MSRA: variants seen among roughly 807,000 people sequenced by gnomAD.
MSRA encodes mitochondrial peptide methionine sulfoxide reductase.
A neutral mutation model predicts 31.3 loss-of-function variants in MSRA; 54 were observed. That is an observed-to-expected ratio of 1.73 (90% CI 1.39 to 2.17). The LOEUF is 2.17. Ranked by LOEUF, MSRA falls within the 30% of genes most tolerant of loss-of-function variation. The pLI, the probability that MSRA is intolerant of heterozygous loss-of-function variation, is 0.00. For missense variants in MSRA, 507 were observed against 300.9 expected (o/e 1.69, Z -5.07); for synonymous variants, 169 against 116.5 (o/e 1.45, Z -2.90).
chr8:10,267,317 GTGC>G (rs1159374184), intron 3 of MSRA, among the ~76,000 whole-genome samples: 1 of 152,164 alleles, frequency 6.6e-6, no homozygotes, highest in African/African-American at 2.4e-5. Flanking sequence ...GGTTCTTATT[GTGC>G]AGACACAGTG....
intron 5 of MSRA, among the ~76,000 whole-genome samples, chr8:10,413,067 C>G (rs762404933): frequency 6.6e-6 from 1 of 152,204 alleles, no homozygotes; most frequent in Non-Finnish European, 1.5e-5. Context: ...CAGGAAACAA[C>G]CTAAGTGGCC....
At chr8:10,346,534 C>T (rs1803785906) in intron 5 of MSRA, among the ~76,000 whole-genome samples, 1 of 152,182 alleles carries the variant, frequency 6.6e-6, no homozygotes, top group South Asian at 2.1e-4. Context: ...GAGCTTGCTA[C>T]ATCCAGAGGG....
intron 5 of MSRA, among the ~76,000 whole-genome samples, chr8:10,402,778 G>T (rs1036009724): frequency 6.6e-5 from 10 of 152,200 alleles, no homozygotes; most frequent in South Asian, 2.1e-4. Context: ...CATAGTATTT[G>T]CAGTTATTTG....
intron 2 of MSRA, among the ~76,000 whole-genome samples, chr8:10,231,760 G>A (rs575976450): frequency 2.4e-4 from 36 of 152,038 alleles, no homozygotes; most frequent in Non-Finnish European, 3.4e-4. Flanking sequence ...AAAATTAGCC[G>A]GGCGTGGTGG....
chr8:10,369,950 A>G (rs1488613734), intron 5 of MSRA, among the ~76,000 whole-genome samples: 1 of 152,214 alleles, frequency 6.6e-6, no homozygotes, highest in Non-Finnish European at 1.5e-5. Context: ...ACCACAAGTC[A>G]AGGTTCTAAC....
rs762358265 is a variant in MSRA at position 10,282,594 on chromosome 8, G to A, written c.332-18940G>A. Among the ~76,000 whole-genome samples the A allele has an allele frequency of 2.6e-5, 4 of 152,166 alleles. No homozygotes were observed. The South Asian group carries it at 6.2e-4, about 24-fold the overall frequency. On this transcript the variant is annotated intron_variant, in intron 3 of 5. Transcript: ENST00000317173. ...CAGCCATAGTGGCACTGTGCTTGATGCAAAGATACCATTACCTTCTCGTCT... is the reference window on the plus strand; with the variant it reads ...CAGCCATAGTGGCACTGTGCTTGATACAAAGATACCATTACCTTCTCGTCT...
At chr8:10,316,350 C>T (rs527534876) in intron 4 of MSRA, among the ~76,000 whole-genome samples, 1 of 152,240 alleles carries the variant, frequency 6.6e-6, no homozygotes, top group South Asian at 2.1e-4. Context: ...ACCAGCCTCT[C>T]TCTGAGTGTC....
At chr8:10,191,072 A>G (rs1807465648) in intron 1 of MSRA, among the ~76,000 whole-genome samples, 1 of 152,226 alleles carries the variant, frequency 6.6e-6, no homozygotes, top group Admixed American at 6.5e-5. Flanking sequence ...TGCTTAGACT[A>G]GAGGTCCTAT....
chr8:10,067,874 G>GTTTTT (rs71203303), intron 1 of MSRA, among the ~76,000 whole-genome samples: 1 of 49,368 alleles, frequency 2.0e-5, no homozygotes, highest in Non-Finnish European at 4.2e-5. Context: ...TTCTTACTGA[G>GTTTTT]TTTTTTTTTT....
At chr8:10,419,602 A>G (rs1045668292) in intron 5 of MSRA, among the ~76,000 whole-genome samples, 6 of 152,178 alleles carry the variant, frequency 3.9e-5, no homozygotes, top group Non-Finnish European at 7.3e-5. Flanking sequence ...CCTGACATCC[A>G]TTAGAAAATT....
At chr8:10,170,814 A>G (rs1805528234) in intron 1 of MSRA, among the ~76,000 whole-genome samples, 1 of 152,190 alleles carries the variant, frequency 6.6e-6, no homozygotes, top group African/African-American at 2.4e-5. Flanking sequence ...ATCCATTTTT[A>G]TGGTACTCTG....
intron 2 of MSRA, among the ~76,000 whole-genome samples, chr8:10,209,006 C>T (rs1563220433): frequency 6.6e-6 from 1 of 152,212 alleles, no homozygotes. Context: ...TTAGCAGCTG[C>T]AGAGTCATAA....
chr8:10,336,562 AAGTG>A (rs1329141745), intron 5 of MSRA, among the ~76,000 whole-genome samples: 1 of 152,066 alleles, frequency 6.6e-6, no homozygotes, highest in Non-Finnish European at 1.5e-5. Context: ...ACAGTGGAAT[AAGTG>A]AGGAAAGAGA....
At chr8:10,116,996 A>C (rs1005586736) in intron 1 of MSRA, among the ~76,000 whole-genome samples, 5 of 152,186 alleles carry the variant, frequency 3.3e-5, no homozygotes, top group African/African-American at 4.8e-5. Context: ...ATTGAGGCAG[A>C]GGCTCAAATG....
chr8:10,417,480 CCAGT>C (rs1304929986), intron 5 of MSRA, among the ~76,000 whole-genome samples: 1 of 150,202 alleles, frequency 6.7e-6, no homozygotes, highest in Non-Finnish European at 1.5e-5. Context: ...GTAAGCCCAG[CCAGT>C]CAGTGCCCAG....
intron 1 of MSRA, among the ~76,000 whole-genome samples, chr8:10,085,977 G>C (rs28710334): frequency 0.16 from 24,157 of 152,136 alleles, 2,302 homozygotes; most frequent in African/African-American, 0.26. Context: ...TGGGTGTTCA[G>C]ATTGTTTCCA....
chr8:10,198,798 A>G (rs992856314), intron 1 of MSRA, among the ~76,000 whole-genome samples: 7 of 151,918 alleles, frequency 4.6e-5, no homozygotes, highest in Non-Finnish European at 1.0e-4. Context: ...TAACTTATTT[A>G]TTTATTTTTT....
chr8:10,261,455 G>C (rs1798479481), intron 3 of MSRA, among the ~76,000 whole-genome samples: 1 of 151,902 alleles, frequency 6.6e-6, no homozygotes. Flanking sequence ...CAGCATTTTG[G>C]GAGGCTGAGA....
chr8:10,257,348 C>T (rs1256919769), intron 3 of MSRA, among the ~76,000 whole-genome samples: 1 of 152,212 alleles, frequency 6.6e-6, no homozygotes, highest in African/African-American at 2.4e-5. Context: ...GGTCTCAATG[C>T]ATTGGACACT....
Sources: gnomAD v4.1 joint callset for allele counts (sites outside exome capture counted in the v4.1 genomes callset) on GRCh38, gnomAD v4.1.1 for gene constraint, MANE v1.5 for transcripts, NCBI Gene and HGNC (gene_info 2026-07-23, HGNC 2026-07-21) for gene names.